FIBCD1: variants seen among roughly 807,000 people sequenced by gnomAD.
The protein encoded by FIBCD1 is fibrinogen C domain containing 1.
Under a neutral mutation model 45.1 loss-of-function variants are expected in FIBCD1, and 47 were observed. The observed-to-expected ratio is 1.04, with a 90% CI of 0.82 to 1.33. The LOEUF (loss-of-function observed/expected upper bound fraction) is 1.33, where lower values mean the gene tolerates loss of function less well. Among genes scored for constraint, FIBCD1 ranks in the 40% most tolerant of loss-of-function variants. FIBCD1 has a pLI of 0.00. For missense variants in FIBCD1, 653 were observed against 682.2 expected, an observed-to-expected ratio of 0.96 and a Z score of 0.48; for synonymous variants, 313 against 308.1, an observed-to-expected ratio of 1.02 and a Z score of -0.17.
At chr9:130,940,390 GC>G (rs1832603586), upstream of FIBCD1, among the ~76,000 whole-genome samples, 1 of 152,274 alleles carries the variant, frequency 6.6e-6, no homozygotes, top group Admixed American at 6.5e-5. Flanking sequence ...GACTGAGGCT[GC>G]CCGGGAGTTG....
intron 6 of FIBCD1, 110 bp from the exon 7 acceptor site, chr9:130,904,433 A>G (rs1831890493): frequency 1.4e-6 from 2 of 1,449,848 alleles, no homozygotes; most frequent in South Asian, 2.6e-5. Flanking sequence ...ACGTGAGTGC[A>G]TACACGTACG....
intron 5 of FIBCD1, among the ~76,000 whole-genome samples, chr9:130,906,295 C>T (rs1454130527): frequency 6.6e-6 from 1 of 152,182 alleles, no homozygotes; most frequent in Admixed American, 6.5e-5. Flanking sequence ...ATTAAGAGGG[C>T]ATTTAATGAA....
intron 6 of FIBCD1, 53 bp from the exon 7 acceptor site, chr9:130,904,376 G>C: frequency 6.5e-7 from 1 of 1,546,118 alleles, no homozygotes; most frequent in Non-Finnish European, 8.7e-7. Context: ...TACACCCACT[G>C]GTGTTGCATG....
chr9:130,923,642 T>G (rs1346743731), intron 4 of FIBCD1, 102 bp downstream of exon 4: 6 of 1,499,830 alleles, frequency 4.0e-6, no homozygotes, highest in Non-Finnish European at 5.4e-6. Context: ...AGATCCATGG[T>G]GGAGGGCTGG....
rs1464354116 is a variant in FIBCD1, at chr9:130,922,369, G to C, written c.849+1375C>G. Among the ~76,000 whole-genome samples the C allele has an allele frequency of 6.6e-6, 1 of 152,112 alleles. No homozygotes were observed. The highest frequency in any genetic ancestry group is 1.5e-5 in the Non-Finnish European group (1 of 68,020). ...CTCTCCAGCACACTTCTTCTCAGCT[G>C]AGCCCCCCACTTTCTTGTGCTTGCA... On this transcript the variant is annotated intron_variant, in intron 4 of 6. Transcript: ENST00000372338. This position sits in a 1 kb window ranked among gnomAD's most constrained non-coding sequence, Gnocchi z 4.5.
chr9:130,930,457 G>C (rs1832433066), intron 1 of FIBCD1, among the ~76,000 whole-genome samples: 1 of 152,000 alleles, frequency 6.6e-6, no homozygotes, highest in Admixed American at 6.5e-5. Context: ...GGGAGACGCA[G>C]GGAGACGCGG....
Position 130,929,766 on chromosome 9 carries a change from G to T in FIBCD1, c.353C>A (p.Ala118Glu). 6.4e-7 allele frequency: 1 copy of T among 1,560,390 alleles called. No homozygotes were observed. The highest frequency in any genetic ancestry group is 1.2e-5 in the South Asian group (1 of 85,164). ...LESAQASVLQALTEHQAQPRL... is the reference protein window; with the variant it reads ...LESAQASVLQELTEHQAQPRL... ...TGGCTGGGCCTGGTGCTCTGTCAGC[G>T]CCTGCAGCACCGAGGCCTGGGCGCT... Residue 118 changes from alanine to glutamate, a missense_variant, in exon 2 of 7, where the codon GCG (alanine) becomes GAG (glutamate). Ala to Glu is a moderately radical substitution (Grantham distance 107). Coordinates refer to ENST00000372338, the MANE Select transcript of FIBCD1 (RefSeq NM_032843.5).
chr9:130,908,102 G>T (rs1372670083), intron 5 of FIBCD1, among the ~76,000 whole-genome samples: 1 of 152,070 alleles, frequency 6.6e-6, no homozygotes, highest in Non-Finnish European at 1.5e-5. Context: ...AAAAGAAAAA[G>T]AAAAAGCTGA....
intron 1 of FIBCD1, among the ~76,000 whole-genome samples, chr9:130,931,033 G>A (rs1270180336): frequency 6.6e-6 from 1 of 151,932 alleles, no homozygotes; most frequent in Non-Finnish European, 1.5e-5. Context: ...CCTCCTCCCC[G>A]CACCCCACCC....
chr9:130,914,813 A>G (rs904635297), intron 4 of FIBCD1, among the ~76,000 whole-genome samples: 1 of 152,216 alleles, frequency 6.6e-6, no homozygotes, highest in Non-Finnish European at 1.5e-5. Flanking sequence ...AGGATGTGGC[A>G]GGAGGGGCTG....
rs933585421 is a variant in FIBCD1 at position 130,930,056 on chromosome 9, C to T, written c.73-10G>A. On this transcript the variant is annotated splice_polypyrimidine_tract_variant and intron_variant, in intron 1 of 6. Coordinates refer to ENST00000372338, the MANE Select transcript of FIBCD1 (RefSeq NM_032843.5). Reference sequence around the variant, plus strand: ...AGCCGCAGCTCGGCCGCTGCAGGCCCGCCCGGGACGCACAGACACAGACAG... The same window carrying T: ...AGCCGCAGCTCGGCCGCTGCAGGCCTGCCCGGGACGCACAGACACAGACAG... The T allele has an allele frequency of 9.3e-6, 14 of 1,498,016 alleles. No individual in the cohort carries two copies. The highest frequency in any genetic ancestry group is 5.4e-5 in the South Asian group (4 of 74,196). 92.8% of individuals were successfully genotyped at this position (1,498,016 alleles called of 1,614,324 possible). A position where few individuals can be genotyped will look rare whatever the true frequency, so the allele number is the denominator to read the frequency against.
intron 2 of FIBCD1, 40 bp downstream of exon 2, chr9:130,929,527 C>T (rs753081027): frequency 3.4e-6 from 5 of 1,486,736 alleles, no homozygotes; most frequent in Non-Finnish European, 4.5e-6. Context: ...ACCAACCCCT[C>T]GCCTCCAGCA....
intron 1 of FIBCD1, among the ~76,000 whole-genome samples, chr9:130,935,549 G>A (rs1832505695): frequency 6.6e-6 from 1 of 152,218 alleles, no homozygotes; most frequent in African/African-American, 2.4e-5. Flanking sequence ...TGGGGCCCAA[G>A]GCGTTTCCCA....
chr9:130,920,163 AG>A (rs1489065286), intron 4 of FIBCD1, among the ~76,000 whole-genome samples: 1 of 95,106 alleles, frequency 1.1e-5, no homozygotes, highest in Non-Finnish European at 2.9e-5. Flanking sequence ...TCACACAGCC[AG>A]GGGCGCTGGG....
In FIBCD1 at chr9:130,921,651, C is replaced by T. The variant is rs1276838911; in HGVS notation, c.849+2093G>A. 4.6e-5 allele frequency among the ~76,000 whole-genome samples: 7 copies of T among 152,344 alleles called. No individual in the cohort carries two copies. The South Asian group carries it at 1.4e-3, about 32-fold the overall frequency. ...GCTTCATGTCCACCAGAGTGGAAGA[C>T]GCATGGCCCGCTCCGGCGTCCTGAT... On this transcript the variant is annotated intron_variant, in intron 4 of 6. Transcript: ENST00000372338.
intron 4 of FIBCD1, among the ~76,000 whole-genome samples, chr9:130,915,608 C>T (rs950499717): frequency 9.2e-5 from 14 of 152,150 alleles, no homozygotes; most frequent in African/African-American, 3.4e-4. Flanking sequence ...GAGGCTGAGG[C>T]AGGATAATCA....
Position 130,903,870 on chromosome 9 carries a change from G to A in FIBCD1, c.*194C>T, listed in dbSNP as rs957959040. 3 of 709,552 alleles carry A rather than the reference G, an allele frequency of 4.2e-6. No individual in the cohort carries two copies. Among genetic ancestry groups the A allele is most frequent in the Non-Finnish European group, 7.5e-6 (3 of 402,242 alleles). 44.0% of individuals were successfully genotyped at this position (709,552 alleles called of 1,614,324 possible). The stretch of plus-strand genomic sequence containing the variant: ...GAGATCAGTGAGCTGCCAAATGGAG[G>A]GGGTGGGGACGGCGAGAAGGCGATG... On this transcript the variant is annotated 3_prime_UTR_variant, in exon 7 of 7. Transcript: ENST00000372338.
In FIBCD1 at chr9:130,911,100, C is replaced by G. The variant is rs1277702263; in HGVS notation, c.946+692G>C. Among the ~76,000 whole-genome samples the G allele has an allele frequency of 2.6e-5, 4 of 152,318 alleles. No homozygotes were observed. In the East Asian group the frequency reaches 5.8e-4, roughly 22 times the overall value. On this transcript the variant is annotated intron_variant, in intron 5 of 6. Transcript: ENST00000372338. ...CAACCCGCTCAGGTTCCCTCCTGCG[C>G]TGTGGAAGCTTTGTTCTTTCACTCT...
At chr9:130,928,659 T>TG (rs1409466417) in intron 2 of FIBCD1, among the ~76,000 whole-genome samples, 1 of 146,214 alleles carries the variant, frequency 6.8e-6, no homozygotes, top group Non-Finnish European at 1.5e-5. Context: ...CTGGGGGCGG[T>TG]GGGGCGGAAG....
Sources: gnomAD v4.1 joint callset for allele counts (sites outside exome capture counted in the v4.1 genomes callset) on GRCh38, gnomAD v4.1.1 for gene constraint, Gnocchi (gnomAD v3.1) non-coding constraint, MANE v1.5 for transcripts, NCBI Gene and HGNC (gene_info 2026-07-23, HGNC 2026-07-21) for gene names.